CDAN1: variants seen among roughly 807,000 people sequenced by gnomAD.
The protein encoded by CDAN1 is codanin-1.
Under a neutral mutation model 139.8 loss-of-function variants are expected in CDAN1, and 107 were observed. The ratio of observed to expected loss-of-function variants is 0.77; its 90% CI spans 0.65 to 0.90. CDAN1 has a LOEUF of 0.90. Among genes scored for constraint, CDAN1 ranks in the 40% least tolerant of loss-of-function variants. The pLI, the probability that CDAN1 is intolerant of heterozygous loss-of-function variation, is 0.00. For synonymous variants in CDAN1, 776 were observed against 660.6 expected (o/e 1.17, Z -2.68); for missense variants, 1,667 against 1,575.7 (o/e 1.06, Z -0.98).
chr15:42,736,673 C>T lies in CDAN1; in HGVS notation c.198G>A (p.Pro66=), dbSNP rs994237298. 23 of 1,544,638 alleles carry T rather than the reference C, an allele frequency of 1.5e-5. No individual in the cohort carries two copies. Among genetic ancestry groups the T allele is most frequent in the Non-Finnish European group, 1.9e-5 (22 of 1,147,638 alleles). ...FLREQSSRVL[P]QGPPTPAKTP... is the part of the protein sequence containing the mutation. ...TCTTGGCGGGGGTCGGGGGCCCCTG[C>T]GGGAGGACGCGGCTGCTCTGCTCCC... Residue 66 remains proline, a synonymous_variant, in exon 2 of 28, where the codon CCG becomes CCA. Transcript: ENST00000356231.
intron 7 of CDAN1, 43 bp downstream of exon 7, chr15:42,734,183 G>A (rs1206605899): frequency 1.9e-6 from 3 of 1,613,832 alleles, no homozygotes; most frequent in Non-Finnish European, 2.5e-6. Context: ...AAGCTAGGAA[G>A]GGTTAGGTCC....
At chr15:42,736,858 C>A in intron 1 of CDAN1, 78 bp from the exon 2 acceptor site, 2 of 1,450,824 alleles carry the variant, frequency 1.4e-6, no homozygotes, top group Non-Finnish European at 1.8e-6. Context: ...GGCCGTAGGG[C>A]GCGCCTCGGG....
In CDAN1 at chr15:42,723,611, T is replaced by C. The variant is rs528756487; in HGVS notation, c.*880A>G. On this transcript the variant is annotated 3_prime_UTR_variant, in exon 28 of 28. Transcript: ENST00000356231. ...AAAGCTCTAAATGCCCTGTGCTTGG[T>C]CCCTGGTCAGGGAGAGGTCTCAAGA... is the stretch of plus-strand genomic sequence containing the variant. 3 of 152,338 alleles carry C rather than the reference T, an allele frequency of 2.0e-5. No individual in the cohort carries two copies. The highest frequency in any genetic ancestry group is 7.2e-5 in the African/African-American group (3 of 41,578). 9.4% of individuals were successfully genotyped at this position (152,338 alleles called of 1,614,324 possible). A position where few individuals can be genotyped will look rare whatever the true frequency, so the allele number is the denominator to read the frequency against.
At position 42,730,843 on chromosome 15, in the gene CDAN1, G is replaced by C. The variant is rs894387818; in HGVS notation, c.2008-79C>G. On this transcript the variant is annotated intron_variant, in intron 13 of 27. Coordinates refer to ENST00000356231, the MANE Select transcript of CDAN1 (RefSeq NM_138477.4). ...TGCCCTTTAACCTGCCTGGTTTCCA[G>C]AATAGCCAAGGAAACCAGTCAGCTT... is the stretch of plus-strand genomic sequence containing the variant. 6.8e-6 allele frequency: 11 copies of C among 1,612,632 alleles called. No individual in the cohort carries two copies. The African/African-American group carries it at 1.5e-4, about 22-fold the overall frequency.
At position 42,728,278 on chromosome 15, in the gene CDAN1, A is replaced by T. The variant is rs200767055; in HGVS notation, c.2805-11T>A. 1,126 of 1,613,628 alleles carry T rather than the reference A, an allele frequency of 7.0e-4. 1 individual carries two copies. Among genetic ancestry groups the T allele is most frequent in the Non-Finnish European group, 9.0e-4 (1,059 of 1,179,708 alleles). ...TTCCTTTGACAGAACCTAAAAGGGG[A>T]CAGATGGGGTCAGTGATCTCTGGGT... On this transcript the variant is annotated splice_polypyrimidine_tract_variant and intron_variant, in intron 20 of 27. Transcript: ENST00000356231.
intron 13 of CDAN1, 45 bp downstream of exon 13, chr15:42,730,880 C>T (rs560414724): frequency 9.3e-6 from 15 of 1,613,860 alleles, no homozygotes; most frequent in South Asian, 6.6e-5. Context: ...AGTGCCTGGC[C>T]GGTCCTCCCT....
intron 23 of CDAN1, 60 bp from the exon 24 acceptor site, chr15:42,726,477 T>A (rs1408241786): frequency 8.6e-6 from 12 of 1,403,252 alleles, no homozygotes; most frequent in Non-Finnish European, 1.2e-5. Flanking sequence ...ACAGAGAATT[T>A]GGCTTGGGAC....
intron 4 of CDAN1, 21 bp from the exon 5 acceptor site, chr15:42,735,395 A>G: frequency 6.3e-7 from 1 of 1,592,814 alleles, no homozygotes. Flanking sequence ...ACAAAAAGAA[A>G]GCCCATGGTA....
chr15:42,730,016 C>CT lies in CDAN1; in HGVS notation c.2262+111dup, dbSNP rs1287572756. On this transcript the variant is annotated intron_variant, in intron 15 of 27. Coordinates refer to ENST00000356231, the MANE Select transcript of CDAN1 (RefSeq NM_138477.4). ...TCTGAGATGATGGGAATCCCCAGGC[C>CT]TTTCCTGAACCTTCGTCTTCCAGCC... 2.3e-6 allele frequency: 3 copies of CT among 1,286,982 alleles called. No individual in the cohort carries two copies. In the African/African-American group the frequency reaches 4.4e-5, roughly 19 times the overall value. 79.7% of individuals were successfully genotyped at this position (1,286,982 alleles called of 1,614,324 possible). A position where few individuals can be genotyped will look rare whatever the true frequency, so the allele number is the denominator to read the frequency against.
intron 17 of CDAN1, 79 bp from the exon 18 acceptor site, chr15:42,729,441 A>G: frequency 6.2e-7 from 1 of 1,604,084 alleles, no homozygotes; most frequent in Non-Finnish European, 8.5e-7. Flanking sequence ...TTGTGGAGTC[A>G]AGAGGCTCAG....
At position 42,725,547 on chromosome 15, in the gene CDAN1, A is replaced by T. The variant is rs1485837905; in HGVS notation, c.3392T>A (p.Leu1131Gln). 1 of 1,614,072 alleles carries T rather than the reference A, an allele frequency of 6.2e-7. No homozygotes were observed. The highest frequency in any genetic ancestry group is 2.2e-5 in the East Asian group (1 of 44,890). The change falls in exon 26 of 28, where the codon CTG (leucine) becomes CAG (glutamine). Residue 1131 changes from leucine to glutamine, a missense_variant. Physicochemically the swap from Leu to Gln is moderately radical, Grantham distance 113. This residue lies in a region of CDAN1 where 936 missense variants were observed against 844.1 expected (regional missense o/e 1.11). Coordinates refer to ENST00000356231, the MANE Select transcript of CDAN1 (RefSeq NM_138477.4). ...WKEDFQGPVP[L>Q]QLLLSPRNVG... ...ATTTCTTGGGCTCAGCAGCAGCTGC[A>T]GCGGAACCGGCCCCTGAAAGTCTTC... is the stretch of plus-strand genomic sequence containing the variant.
chr15:42,728,967 G>GAAAA (rs2061570554), intron 19 of CDAN1, 56 bp downstream of exon 19: 2 of 1,592,460 alleles, frequency 1.3e-6, no homozygotes, highest in Non-Finnish European at 1.7e-6. Context: ...AGCAACTGAG[G>GAAAA]AAAAAGGGGA....
intron 18 of CDAN1, 47 bp from the exon 19 acceptor site, chr15:42,729,173 T>TGCCCC: frequency 6.3e-7 from 1 of 1,595,158 alleles, no homozygotes; most frequent in Non-Finnish European, 8.6e-7. Context: ...AGCCTCCCTG[T>TGCCCC]CCCCGCCCCC....
chr15:42,734,346 C>G lies in CDAN1; in HGVS notation c.1137G>C (p.Gln379His). 6.2e-7 allele frequency: 1 copy of G among 1,614,040 alleles called. No homozygotes were observed. The highest frequency in any genetic ancestry group is 8.5e-7 in the Non-Finnish European group (1 of 1,180,024). ...FAVQVLECHF[Q>H]VLSNLDKGTL... ...TCCCTTTGTCCAGGTTGGAAAGAAC[C>G]CTGCAGGGACAAGAGCACCTATGAC... Residue 379 changes from glutamine to histidine, a missense_variant and splice_region_variant, in exon 7 of 28, where the codon CAG (glutamine) becomes CAC (histidine). Physicochemically the swap from Gln to His is conservative, Grantham distance 24 (BLOSUM62 0). Coordinates refer to ENST00000356231, the MANE Select transcript of CDAN1 (RefSeq NM_138477.4).
intron 10 of CDAN1, 109 bp from the exon 11 acceptor site, chr15:42,731,934 T>C: frequency 1.0e-6 from 1 of 968,946 alleles, no homozygotes; most frequent in Non-Finnish European, 1.6e-6. Context: ...GCCAACTGTG[T>C]CAAGTGCTTT....
chr15:42,735,013 GTT>G lies in CDAN1; in HGVS notation c.1136+85_1136+86del, dbSNP rs1001839056. The G allele has an allele frequency of 2.5e-5, 22 of 896,528 alleles. No individual in the cohort carries two copies. The African/African-American group carries it at 3.3e-4, about 13-fold the overall frequency. 55.5% of individuals were successfully genotyped at this position (896,528 alleles called of 1,614,324 possible). Reference sequence around the variant, plus strand: ...GAAGGTCCAGGACCACTGCCCCTGTGTTAAGCACCAGCATATATCCCAAGCAG... The same window carrying G: ...GAAGGTCCAGGACCACTGCCCCTGTGAAGCACCAGCATATATCCCAAGCAG... On this transcript the variant is annotated intron_variant, in intron 6 of 27. Transcript: ENST00000356231.
Position 42,731,911 on chromosome 15 carries a change from A to C in CDAN1, c.1534-86T>G, listed in dbSNP as rs2061618046. ...ACAAAAAATAAGGAGAAAGTAATGA[A>C]CATTTAAGGAATGCCAACTGTGTCA... is the stretch of plus-strand genomic sequence containing the variant. On this transcript the variant is annotated intron_variant, in intron 10 of 27. Coordinates refer to ENST00000356231, the MANE Select transcript of CDAN1 (RefSeq NM_138477.4). 5 of 1,201,932 alleles carry C rather than the reference A, an allele frequency of 4.2e-6. No homozygotes were observed. The South Asian group carries it at 5.0e-5, about 12-fold the overall frequency. 74.5% of individuals were successfully genotyped at this position (1,201,932 alleles called of 1,614,324 possible). A position where few individuals can be genotyped will look rare whatever the true frequency, so the allele number is the denominator to read the frequency against.
Position 42,729,803 on chromosome 15 carries a change from T to C in CDAN1, c.2345A>G (p.His782Arg), listed in dbSNP as rs779661801. 1.2e-6 allele frequency: 2 copies of C among 1,613,420 alleles called. No individual in the cohort carries two copies. Among genetic ancestry groups the C allele is most frequent in the South Asian group, 1.1e-5 (1 of 90,998 alleles). The change falls in exon 16 of 28, where the codon CAT (histidine) becomes CGT (arginine). Residue 782 changes from histidine (H) to arginine (R), a missense_variant. His to Arg is a conservative substitution (Grantham distance 29, BLOSUM62 0). Coordinates refer to ENST00000356231, the MANE Select transcript of CDAN1 (RefSeq NM_138477.4). ...CGGAACCCCAGCACTCACCAAGCCA[T>C]GCTCTGGGGCTACTGTGTCCACCTC... ...AFEVDTVAPEHGLDNAPVVDQ... is the reference protein window; with the variant it reads ...AFEVDTVAPERGLDNAPVVDQ...
At chr15:42,731,518 C>T in intron 11 of CDAN1, 102 bp downstream of exon 11, 1 of 1,444,062 alleles carries the variant, frequency 6.9e-7, no homozygotes, top group Non-Finnish European at 9.7e-7. Context: ...CTGGAAGGAG[C>T]CTATCTCCAG....
Sources: allele counts gnomAD v4.1 joint callset, GRCh38; gene constraint gnomAD v4.1.1; regional missense constraint gnomAD v4.1.1; transcripts MANE v1.5; gene names NCBI Gene and HGNC (gene_info 2026-07-23, HGNC 2026-07-21).